Variants in LINGO2 observed in about 807,000 individuals in gnomAD.
The protein encoded by LINGO2 is leucine-rich repeat and immunoglobulin-like domain-containing nogo receptor-interacting protein 2.
LINGO2 carries 14 observed loss-of-function variants against 30.6 expected under a neutral mutation model. That is an observed-to-expected ratio of 0.46 (90% CI 0.30 to 0.72). LINGO2 has a LOEUF of 0.72. LINGO2 is among the 30% of genes least tolerant of loss of function. The pLI is 0.07. For synonymous variants in LINGO2, 317 were observed against 288.5 expected (o/e 1.10, Z -1.00); for missense variants, 729 against 751.7 (o/e 0.97, Z 0.35).
intron 1 of LINGO2, among the ~76,000 whole-genome samples, chr9:28,561,749 GTATATA>G (rs1554637723): frequency 4.3e-4 from 21 of 48,718 alleles, no homozygotes; most frequent in Admixed American, 2.7e-3. Flanking sequence ...GTGTGTGTGT[GTATATA>G]TATATATATA....
At chr9:28,001,935 A>G (rs1587659572) in intron 5 of LINGO2, among the ~76,000 whole-genome samples, 1 of 152,254 alleles carries the variant, frequency 6.6e-6, no homozygotes, top group East Asian at 1.9e-4. Flanking sequence ...GAGATATGAG[A>G]AAAACTTGCC....
At chr9:28,307,701 C>T (rs1824427916) in intron 3 of LINGO2, among the ~76,000 whole-genome samples, 1 of 152,170 alleles carries the variant, frequency 6.6e-6, no homozygotes, top group Admixed American at 6.5e-5. Flanking sequence ...AGCCCAAAAT[C>T]TCCTTAAGCT....
intron 2 of LINGO2, among the ~76,000 whole-genome samples, chr9:28,409,163 T>C (rs1387358773): frequency 1.3e-5 from 2 of 152,080 alleles, no homozygotes; most frequent in South Asian, 2.1e-4. Flanking sequence ...AAATGAAAAC[T>C]TCCTGAGAAC....
chr9:29,147,905 A>G, the LINGO2 span, among the ~76,000 whole-genome samples: 1 of 152,074 alleles, frequency 6.6e-6, no homozygotes, highest in Admixed American at 6.5e-5. Flanking sequence ...GATTATCCCT[A>G]TAATTCTTTA....
the LINGO2 span, among the ~76,000 whole-genome samples, chr9:28,680,011 C>T: frequency 1.3e-5 from 2 of 151,572 alleles, no homozygotes; most frequent in African/African-American, 4.8e-5. Context: ...TGGATTATAT[C>T]TGGAATTATA....
the LINGO2 span, among the ~76,000 whole-genome samples, chr9:29,035,245 A>T: frequency 6.6e-6 from 1 of 151,980 alleles, no homozygotes; most frequent in Non-Finnish European, 1.5e-5. Context: ...TGATGAAGAA[A>T]CTGTAGTCCA....
the LINGO2 span, among the ~76,000 whole-genome samples, chr9:29,208,023 A>C: frequency 6.6e-6 from 1 of 152,088 alleles, no homozygotes; most frequent in African/African-American, 2.4e-5. Context: ...AAAATAGGAC[A>C]AATGGTCTAC....
chr9:28,055,037 AAAAT>A (rs1000096022), intron 4 of LINGO2, among the ~76,000 whole-genome samples: 1 of 151,872 alleles, frequency 6.6e-6, no homozygotes, highest in African/African-American at 2.4e-5. Flanking sequence ...ACTTGCAAAA[AAAAT>A]ATATATAGCC....
chr9:28,234,268 G>C (rs898227528), intron 4 of LINGO2, among the ~76,000 whole-genome samples: 11 of 152,154 alleles, frequency 7.2e-5, no homozygotes, highest in Admixed American at 7.2e-4. Context: ...CAGCCCTGGG[G>C]CTTTAAGCTA....
the LINGO2 span, among the ~76,000 whole-genome samples, chr9:29,073,729 A>T: frequency 6.6e-5 from 10 of 152,210 alleles, no homozygotes; most frequent in Non-Finnish European, 1.5e-4. Context: ...CTCTTAGTTT[A>T]AAATGGAAGA....
the LINGO2 span, among the ~76,000 whole-genome samples, chr9:28,931,436 G>A: frequency 6.6e-6 from 1 of 152,146 alleles, no homozygotes; most frequent in African/African-American, 2.4e-5. Flanking sequence ...CATTTTCTCT[G>A]GTACTGAGTT....
chr9:28,715,368 A>G, the LINGO2 span, among the ~76,000 whole-genome samples: 1 of 152,168 alleles, frequency 6.6e-6, no homozygotes, highest in Non-Finnish European at 1.5e-5. Flanking sequence ...GAAAAATGTA[A>G]ATGAGAATGA....
intron 2 of LINGO2, among the ~76,000 whole-genome samples, chr9:28,425,964 G>A (rs16912950): frequency 0.036 from 5,535 of 151,964 alleles, 345 homozygotes; most frequent in African/African-American, 0.12. Flanking sequence ...TACTTTAGGC[G>A]TATTTTCAAG....
At chr9:29,169,111 C>T in the LINGO2 span, among the ~76,000 whole-genome samples, 2 of 152,028 alleles carry the variant, frequency 1.3e-5, no homozygotes, top group Non-Finnish European at 2.9e-5. Flanking sequence ...CCGCACCTGG[C>T]TAATTTTTGT....
At chr9:29,055,936 G>GTATATATATATCTATATATATACATATA in the LINGO2 span, among the ~76,000 whole-genome samples, 1 of 121,862 alleles carries the variant, frequency 8.2e-6, no homozygotes, top group Admixed American at 8.2e-5. Context: ...GTGTATGTGT[G>GTATATATATATCTATATATATACATATA]TGTGTATATA....
At chr9:29,134,209 T>A in the LINGO2 span, among the ~76,000 whole-genome samples, 557 of 152,258 alleles carry the variant, frequency 3.7e-3, 6 homozygotes, top group African/African-American at 0.013. Flanking sequence ...GTGTTCCAAC[T>A]AATATTCTTA....
the LINGO2 span, among the ~76,000 whole-genome samples, chr9:28,833,926 C>T: frequency 3.5e-4 from 54 of 152,266 alleles, no homozygotes; most frequent in African/African-American, 1.3e-3. Context: ...CTTTATATCG[C>T]ACTCATAGAT....
At chr9:28,863,122 T>TA in the LINGO2 span, among the ~76,000 whole-genome samples, 1 of 152,108 alleles carries the variant, frequency 6.6e-6, no homozygotes, top group African/African-American at 2.4e-5. Flanking sequence ...TGATTTTTTT[T>TA]GCCCACACCA....
At chr9:27,980,272 C>T (rs1457541217) in intron 5 of LINGO2, among the ~76,000 whole-genome samples, 1 of 151,974 alleles carries the variant, frequency 6.6e-6, no homozygotes, top group East Asian at 1.9e-4. Flanking sequence ...CTTTCTATGC[C>T]ATTTATTCAT....
Sources: gnomAD v4.1 joint callset for allele counts (sites outside exome capture counted in the v4.1 genomes callset) on GRCh38, gnomAD v4.1.1 for gene constraint, MANE v1.5 for transcripts, NCBI Gene and HGNC (gene_info 2026-07-23, HGNC 2026-07-21) for gene names.